Variants in NMNAT1 observed in about 807,000 individuals in gnomAD.
NMNAT1 encodes the protein nicotinamide/nicotinic acid mononucleotide adenylyltransferase 1.
NMNAT1 carries 11 observed loss-of-function variants against 16.7 expected under a neutral mutation model. The ratio of observed to expected loss-of-function variants is 0.66; its 90% CI spans 0.41 to 1.09. The LOEUF is 1.09. Among genes scored for constraint, NMNAT1 ranks in the 50% least tolerant of loss-of-function variants. The probability of loss-of-function intolerance (pLI) is 0.00; values close to 1 mark genes in which losing one functional copy is unlikely to be tolerated. For synonymous variants in NMNAT1, 110 were observed against 119.8 expected (o/e 0.92, Z 0.53); for missense variants, 280 against 332.3 (o/e 0.84, Z 1.22).
chr1:9,988,190 G>T (rs1340101338), downstream of NMNAT1, among the ~76,000 whole-genome samples: 1 of 152,008 alleles, frequency 6.6e-6, no homozygotes, highest in Non-Finnish European at 1.5e-5. Context: ...TAGAGACAGG[G>T]TTTCTCCATG....
intron 1 of NMNAT1, among the ~76,000 whole-genome samples, chr1:9,957,221 GT>G (rs1641283734): frequency 6.6e-6 from 1 of 152,086 alleles, no homozygotes; most frequent in Non-Finnish European, 1.5e-5. Flanking sequence ...TACAGACAGG[GT>G]TTCTCCATGT....
intron 2 of NMNAT1, 116 bp downstream of exon 2, chr1:9,972,304 A>G (rs1641708444): frequency 1.5e-6 from 1 of 664,654 alleles, no homozygotes; most frequent in Admixed American, 2.3e-5. Context: ...AGGTCAAGAG[A>G]TCGAGACCAT....
chr1:9,994,342 A>C, the NMNAT1 span, among the ~76,000 whole-genome samples: 1 of 151,908 alleles, frequency 6.6e-6, no homozygotes, highest in Non-Finnish European at 1.5e-5. Flanking sequence ...CAAACTCCTG[A>C]CCTCAGGCAA....
intron 1 of NMNAT1, among the ~76,000 whole-genome samples, chr1:9,971,098 A>G (rs1456748028): frequency 4.6e-5 from 7 of 152,154 alleles, no homozygotes; most frequent in African/African-American, 1.2e-4. Flanking sequence ...TGTTCCCCAC[A>G]TGTGGGGTGG....
downstream of NMNAT1, among the ~76,000 whole-genome samples, chr1:9,988,113 T>C (rs1330770397): frequency 6.6e-6 from 1 of 151,976 alleles, no homozygotes; most frequent in African/African-American, 2.4e-5. Context: ...TTCTCCTGCC[T>C]CAGCTTCCCG....
chr1:9,967,944 C>G (rs1224673405), intron 1 of NMNAT1, among the ~76,000 whole-genome samples: 1 of 152,038 alleles, frequency 6.6e-6, no homozygotes, highest in East Asian at 1.9e-4. Flanking sequence ...CCACTGTACT[C>G]CAGCCTGGAC....
chr1:9,977,337 C>A (rs1641837429), intron 3 of NMNAT1, among the ~76,000 whole-genome samples: 1 of 151,916 alleles, frequency 6.6e-6, no homozygotes, highest in Non-Finnish European at 1.5e-5. Flanking sequence ...GCAATCCTCC[C>A]ACCTAGGCCT....
chr1:9,985,286 T>G lies in NMNAT1; in HGVS notation c.*2585T>G, dbSNP rs1190258300. 3 of 152,180 alleles carry G rather than the reference T, an allele frequency of 2.0e-5. No individual in the cohort carries two copies. Among genetic ancestry groups the G allele is most frequent in the Admixed American group, 6.6e-5 (1 of 15,248 alleles). 9.4% of individuals were successfully genotyped at this position (152,180 alleles called of 1,614,324 possible). ...CCTGAACACTTACTGTGTGCTTGGC[T>G]TGTGCTCCTGAGTGCCTTATATCAT... On this transcript the variant is annotated 3_prime_UTR_variant, in exon 5 of 5. Transcript: ENST00000377205.
rs1439446022 is a variant in NMNAT1 at position 9,946,772 on chromosome 1, G to A, written c.-57+3257G>A. ...TAGGACTAGTGTCCTTATCAGAAGA[G>A]TGAATGGAGAGCTTGCCCCTTACCC... is the stretch of plus-strand genomic sequence containing the variant. On this transcript the variant is annotated intron_variant, in intron 1 of 4. Coordinates refer to ENST00000377205, the MANE Select transcript of NMNAT1 (RefSeq NM_022787.4). Among the ~76,000 whole-genome samples the A allele has an allele frequency of 3.3e-5, 5 of 152,112 alleles. No homozygotes were observed. In the East Asian group the frequency reaches 9.6e-4, roughly 29 times the overall value.
chr1:9,986,645 A>G (rs141395252), downstream of NMNAT1, among the ~76,000 whole-genome samples: 2,617 of 152,302 alleles, frequency 0.017, 70 homozygotes, highest in African/African-American at 0.058. Flanking sequence ...AAATTTGGGA[A>G]TCAGAGGCAG....
chr1:9,958,066 G>T (rs567552218), intron 1 of NMNAT1, among the ~76,000 whole-genome samples: 3 of 152,150 alleles, frequency 2.0e-5, no homozygotes, highest in African/African-American at 7.2e-5. Flanking sequence ...TTTACCCACA[G>T]CTATCTTCAC....
intron 1 of NMNAT1, among the ~76,000 whole-genome samples, chr1:9,969,217 C>A (rs2101687188): frequency 6.6e-6 from 1 of 152,206 alleles, no homozygotes; most frequent in South Asian, 2.1e-4. Flanking sequence ...TCAGCCTGTC[C>A]CATCAGCTCT....
At chr1:9,995,041 C>T in the NMNAT1 span, among the ~76,000 whole-genome samples, 1 of 152,084 alleles carries the variant, frequency 6.6e-6, no homozygotes, top group Non-Finnish European at 1.5e-5. Context: ...AGCTACCATG[C>T]ACGGACTGCT....
intron 1 of NMNAT1, among the ~76,000 whole-genome samples, chr1:9,952,951 A>G (rs1641151467): frequency 6.6e-6 from 1 of 151,980 alleles, no homozygotes. Flanking sequence ...CAGTCTGGGC[A>G]AACTAATTTT....
chr1:9,990,106 G>A (rs1420512106), downstream of NMNAT1, among the ~76,000 whole-genome samples: 2 of 152,212 alleles, frequency 1.3e-5, no homozygotes, highest in East Asian at 1.9e-4. Context: ...AGGGGTCAGG[G>A]AAATACCCTG....
At chr1:9,985,838 T>C (rs1642038836), downstream of NMNAT1, among the ~76,000 whole-genome samples, 1 of 152,172 alleles carries the variant, frequency 6.6e-6, no homozygotes. Context: ...AATTTTTGTA[T>C]ATTCAGTAGA....
At chr1:9,972,279 G>A (rs993700498) in intron 2 of NMNAT1, 91 bp downstream of exon 2, 7 of 721,796 alleles carry the variant, frequency 9.7e-6, no homozygotes, top group Non-Finnish European at 1.5e-5. Context: ...GGGAGGCTGA[G>A]ACGGGCAGAT....
downstream of NMNAT1, among the ~76,000 whole-genome samples, chr1:9,986,577 A>G (rs1001976904): frequency 7.2e-5 from 11 of 152,074 alleles, no homozygotes; most frequent in Admixed American, 6.6e-4. Context: ...AGAAAAACAA[A>G]CAAATAAACA....
chr1:9,959,811 T>C (rs1641361620), intron 1 of NMNAT1, among the ~76,000 whole-genome samples: 1 of 152,188 alleles, frequency 6.6e-6, no homozygotes, highest in African/African-American at 2.4e-5. Flanking sequence ...CTTTAGGGGA[T>C]TCACAGAAAT....
Sources: allele counts gnomAD v4.1 joint callset (sites outside exome capture counted in the v4.1 genomes callset), GRCh38; gene constraint gnomAD v4.1.1; transcripts MANE v1.5; gene names NCBI Gene and HGNC (gene_info 2026-07-23, HGNC 2026-07-21).